The following PSMD13 variants were observed in gnomAD, a reference collection of about 807,000 sequenced individuals.
PSMD13 encodes proteasome 26S subunit, non-ATPase 13, also known as 26S proteasome non-ATPase regulatory subunit 13.
A neutral mutation model predicts 57.4 loss-of-function variants in PSMD13; 8 were observed. That is an observed-to-expected ratio of 0.14 (90% CI 0.08 to 0.25). PSMD13 has a LOEUF of 0.25. Ranked by LOEUF, PSMD13 falls within the 10% of genes least tolerant of loss-of-function variation. The probability of loss-of-function intolerance (pLI) is 1.00; values close to 1 mark genes in which losing one functional copy is unlikely to be tolerated. For missense variants in PSMD13, 400 were observed against 461.5 expected (o/e 0.87, Z 1.22); for synonymous variants, 193 against 168.2 (o/e 1.15, Z -1.14).
intron 1 of PSMD13, among the ~76,000 whole-genome samples, chr11:238,337 T>G (rs896323056): frequency 6.6e-6 from 1 of 152,240 alleles, no homozygotes; most frequent in South Asian, 2.1e-4. Flanking sequence ...AGATTAATGT[T>G]CTCCATTTCA....
chr11:244,825 AT>A lies in PSMD13; in HGVS notation c.396+65del, dbSNP rs1302705645. 2.2e-5 allele frequency: 29 copies of A among 1,292,644 alleles called. 1 individual carries two copies. Among genetic ancestry groups the A allele is most frequent in the South Asian group, 6.9e-5 (5 of 72,124 alleles). The allele number at this position is 1,292,644 out of a possible 1,614,324, so 80.1% of individuals were successfully genotyped here. The stretch of plus-strand genomic sequence containing the variant: ...ATTATTTAAAACCCTAGGAAAAAAA[AT>A]AACCTATTTTTCTTCTTTACTGTTT... On this transcript the variant is annotated intron_variant, in intron 6 of 12. Transcript: ENST00000532097.
In PSMD13 at chr11:247,306, C is replaced by G; in HGVS notation, c.426C>G (p.Leu142=). Residue 142 remains leucine, a synonymous_variant, in exon 7 of 13, where the codon CTC becomes CTG. Transcript: ENST00000532097. ...CAATTGAAGATGTTGAAGAAATGCT[C>G]AACAACCTTCCTGGTGTGACATCGG... The part of the protein sequence containing the change: ...KETIEDVEEM[L]NNLPGVTSVH... 1.2e-6 allele frequency: 2 copies of G among 1,613,462 alleles called. No homozygotes were observed. Among genetic ancestry groups the G allele is most frequent in the Non-Finnish European group, 1.7e-6 (2 of 1,179,758 alleles).
At chr11:247,518 G>C (rs1275442981) in intron 7 of PSMD13, 70 bp downstream of exon 7, 1 of 1,524,460 alleles carries the variant, frequency 6.6e-7, no homozygotes, top group African/African-American at 1.4e-5. Flanking sequence ...TGAGTTGCTT[G>C]AGGTGACAGT....
chr11:247,153 T>G (rs1590251612), intron 6 of PSMD13, 124 bp from the exon 7 acceptor site: 3 of 882,422 alleles, frequency 3.4e-6, no homozygotes. Flanking sequence ...GAGGCTGAGG[T>G]GGGAGGATCA....
chr11:245,132 A>G (rs1157549705), intron 6 of PSMD13, among the ~76,000 whole-genome samples: 1 of 152,016 alleles, frequency 6.6e-6, no homozygotes, highest in East Asian at 1.9e-4. Flanking sequence ...TAGTAGAGAC[A>G]GGGTTTCGCC....
At chr11:243,196 A>G in intron 2 of PSMD13, 1 of 621,228 alleles carries the variant, frequency 1.6e-6, no homozygotes, top group South Asian at 1.4e-5. Context: ...TTTAGGTATC[A>G]TTTATGCTGC....
chr11:237,463 C>T (rs752728050), intron 1 of PSMD13, among the ~76,000 whole-genome samples: 1 of 152,204 alleles, frequency 6.6e-6, no homozygotes, highest in Non-Finnish European at 1.5e-5. Flanking sequence ...TAAAACGGTT[C>T]AGGAGTAGCC....
chr11:238,920 C>A, intron 1 of PSMD13, 78 bp from the exon 2 acceptor site: 1 of 1,339,994 alleles, frequency 7.5e-7, no homozygotes, highest in Non-Finnish European at 1.1e-6. Context: ...GTATTTGTGA[C>A]TTGATAGAAT....
chr11:248,753 G>A (rs367812706), intron 7 of PSMD13, 23 bp from the exon 8 acceptor site: 6 of 1,609,590 alleles, frequency 3.7e-6, no homozygotes, highest in South Asian at 2.2e-5. Context: ...TGGATTGTAA[G>A]TGGGCCTGTG....
rs1370752755 is a variant in PSMD13 at position 251,437 on chromosome 11, GTACTAATAAGATCTC to G, written c.838-106_838-92del. 5.4e-6 allele frequency: 5 copies of G among 927,820 alleles called. No homozygotes were observed. The East Asian group carries it at 1.3e-4, about 24-fold the overall frequency. The allele number at this position is 927,820 out of a possible 1,614,324, so 57.5% of individuals were successfully genotyped here. On this transcript the variant is annotated intron_variant, in intron 10 of 12. Coordinates refer to ENST00000532097, the MANE Select transcript of PSMD13 (RefSeq NM_002817.4). The surrounding 1 kb of genome is among the most constrained non-coding windows in gnomAD (Gnocchi z 4.6). Reference sequence around the variant, plus strand: ...ATTAGGAAACTTTTTAGTATGTGGGGTACTAATAAGATCTCTATTTTCAGAGCCAATATTGACAAA... The same window carrying G: ...ATTAGGAAACTTTTTAGTATGTGGGGTATTTTCAGAGCCAATATTGACAAA...
In PSMD13 at chr11:249,538, G is replaced by C. The variant is rs1859728657; in HGVS notation, c.774+481G>C. On this transcript the variant is annotated intron_variant, in intron 9 of 12. Coordinates refer to ENST00000532097, the MANE Select transcript of PSMD13 (RefSeq NM_002817.4). ...TGGTGAAGAGAATGGGAGAGCGGTG[G>C]GTGCAGGGAGGGGGAGAGCGGCGGG... is the stretch of plus-strand genomic sequence containing the variant. 3.3e-5 allele frequency among the ~76,000 whole-genome samples: 5 copies of C among 149,362 alleles called. No individual in the cohort carries two copies. In the South Asian group the frequency reaches 1.1e-3, roughly 32 times the overall value.
chr11:252,149 A>C lies in PSMD13; in HGVS notation c.1035+213A>C. ...CTGCATTTAAAAGCTTATGATGACA[A>C]TGGCACTGGTTGTGCTGACGGTGCC... On this transcript the variant is annotated intron_variant, in intron 12 of 12. Transcript: ENST00000532097. The surrounding 1 kb of genome is among the most constrained non-coding windows in gnomAD (Gnocchi z 4.1). 1.8e-6 allele frequency: 1 copy of C among 543,006 alleles called. No individual in the cohort carries two copies. Among genetic ancestry groups the C allele is most frequent in the Non-Finnish European group, 3.3e-6 (1 of 303,286 alleles). 33.6% of individuals were successfully genotyped at this position (543,006 alleles called of 1,614,324 possible).
At position 252,795 on chromosome 11, in the gene PSMD13, T is replaced by A; in HGVS notation, c.*195T>A. The A allele has an allele frequency of 1.8e-6, 1 of 568,254 alleles. No individual in the cohort carries two copies. Among genetic ancestry groups the A allele is most frequent in the South Asian group, 2.0e-5 (1 of 49,330 alleles). The allele number at this position is 568,254 out of a possible 1,614,324, so 35.2% of individuals were successfully genotyped here. On this transcript the variant is annotated 3_prime_UTR_variant, in exon 13 of 13. Transcript: ENST00000532097. This position sits in a 1 kb window ranked among gnomAD's most constrained non-coding sequence, Gnocchi z 4.1. ...AGGCCACAGGGAGGAGGCTTCTTTG[T>A]GGGTCTCTCCTGCAGAGGGTGGGGG...
At chr11:243,507 G>A (rs553523076) in intron 2 of PSMD13, 70 of 316,890 alleles carry the variant, frequency 2.2e-4, no homozygotes, top group South Asian at 1.6e-3. Context: ...TGAATCTCTG[G>A]CTGTAGGATT....
At chr11:238,923 G>A (rs1299774791) in intron 1 of PSMD13, 75 bp from the exon 2 acceptor site, 49 of 1,358,504 alleles carry the variant, frequency 3.6e-5, no homozygotes, top group Non-Finnish European at 5.1e-5. Context: ...TTTGTGACTT[G>A]ATAGAATCAT....
Position 251,957 on chromosome 11 carries a change from T to A in PSMD13, c.1035+21T>A. 1 of 1,597,124 alleles carries A rather than the reference T, an allele frequency of 6.3e-7. No individual in the cohort carries two copies. Among genetic ancestry groups the A allele is most frequent in the Non-Finnish European group, 8.6e-7 (1 of 1,165,570 alleles). On this transcript the variant is annotated intron_variant, in intron 12 of 12. Coordinates refer to ENST00000532097, the MANE Select transcript of PSMD13 (RefSeq NM_002817.4). The surrounding 1 kb of genome is among the most constrained non-coding windows in gnomAD (Gnocchi z 4.6). ...AACAGGTGATGTGTTTGAAACCCAT[T>A]ATTCACCTCTGTGGATTTTGAGGGG... is the stretch of plus-strand genomic sequence containing the variant.
rs148565668 is a variant in PSMD13 at position 239,851 on chromosome 11, C to T, written c.174+775C>T. ...ATTCTGAATGAATCAGAGATTCATACCAGCATTGCAACTGATAGCTTATAA... is the reference window on the plus strand; with the variant it reads ...ATTCTGAATGAATCAGAGATTCATATCAGCATTGCAACTGATAGCTTATAA... On this transcript the variant is annotated intron_variant, in intron 2 of 12. Coordinates refer to ENST00000532097, the MANE Select transcript of PSMD13 (RefSeq NM_002817.4). Among the ~76,000 whole-genome samples the T allele has an allele frequency of 2.6e-3, 389 of 152,166 alleles. 1 individual carries two copies. Among genetic ancestry groups the T allele is most frequent in the African/African-American group, 8.6e-3 (357 of 41,498 alleles).
chr11:251,232 GTGGCC>G lies in PSMD13; in HGVS notation c.838-313_838-309del. On this transcript the variant is annotated intron_variant, in intron 10 of 12. Transcript: ENST00000532097. The surrounding 1 kb of genome is among the most constrained non-coding windows in gnomAD (Gnocchi z 4.6). ...ACTAGAACTTAAGCTTCGTCAGGAA[GTGGCC>G]CTTAGATTTCTGGTTTGCCGTGGTC... 1 of 447,104 alleles carries G rather than the reference GTGGCC, an allele frequency of 2.2e-6. No homozygotes were observed. The highest frequency in any genetic ancestry group is 4.0e-6 in the Non-Finnish European group (1 of 248,170). 27.7% of individuals were successfully genotyped at this position (447,104 alleles called of 1,614,324 possible).
Position 251,351 on chromosome 11 carries a change from T to G in PSMD13, c.838-195T>G. The stretch of plus-strand genomic sequence containing the variant: ...CTGTCAGAAACTCCTGTAAGGCATT[T>G]TGCTGTTATCCTTCTTATCTAAGCA... On this transcript the variant is annotated intron_variant, in intron 10 of 12. Coordinates refer to ENST00000532097, the MANE Select transcript of PSMD13 (RefSeq NM_002817.4). The surrounding 1 kb of genome is among the most constrained non-coding windows in gnomAD (Gnocchi z 4.6). The G allele has an allele frequency of 1.7e-6, 1 of 578,192 alleles. No homozygotes were observed. The highest frequency in any genetic ancestry group is 2.2e-5 in the South Asian group (1 of 44,474). The allele number at this position is 578,192 out of a possible 1,614,324, so 35.8% of individuals were successfully genotyped here. A position where few individuals can be genotyped will look rare whatever the true frequency, so the allele number is the denominator to read the frequency against.
Sources: gnomAD v4.1 joint callset for allele counts (sites outside exome capture counted in the v4.1 genomes callset) on GRCh38, gnomAD v4.1.1 for gene constraint, Gnocchi (gnomAD v3.1) non-coding constraint, MANE v1.5 for transcripts, NCBI Gene and HGNC (gene_info 2026-07-23, HGNC 2026-07-21) for gene names.